NEXN: variants seen among roughly 807,000 people sequenced by gnomAD.
NEXN encodes nexilin.
NEXN carries 65 observed loss-of-function variants against 92.6 expected under a neutral mutation model. The observed-to-expected ratio is 0.70, with a 90% confidence interval of 0.57 to 0.86. The LOEUF (loss-of-function observed/expected upper bound fraction) is 0.86. NEXN is among the 40% of genes least tolerant of loss of function. NEXN has a pLI of 0.00. For synonymous variants in NEXN, 254 were observed against 242.5 expected, an observed-to-expected ratio of 1.05 and a Z score of -0.44; for missense variants, 778 against 771.1, an observed-to-expected ratio of 1.01 and a Z score of -0.11.
chr1:77,926,269 A>G (rs1395707661), intron 6 of NEXN, 145 bp from the exon 7 acceptor site: 2 of 580,832 alleles, frequency 3.4e-6, no homozygotes, highest in Non-Finnish European at 6.1e-6. Context: ...AGAGTAGGAG[A>G]TATTTAATAA....
chr1:77,938,100 T>C (rs1025523793), intron 11 of NEXN, among the ~76,000 whole-genome samples: 4 of 152,026 alleles, frequency 2.6e-5, no homozygotes, highest in African/African-American at 4.8e-5. Flanking sequence ...AGACTAGAGT[T>C]TGGAAGGAAA....
In NEXN at chr1:77,943,224, T is replaced by TA; in HGVS notation, c.*401dup. ...CATAGACGTTTACAGCAACTATGTT[T>TA]AAAAAACAAAAACAAAAAAAAAACA... is the stretch of plus-strand genomic sequence containing the variant. On this transcript the variant is annotated 3_prime_UTR_variant, in exon 13 of 13. Transcript: ENST00000334785. 1 of 206,922 alleles carries TA rather than the reference T, an allele frequency of 4.8e-6. No individual in the cohort carries two copies. 12.8% of individuals were successfully genotyped at this position (206,922 alleles called of 1,614,324 possible).
intron 1 of NEXN, among the ~76,000 whole-genome samples, chr1:77,892,185 G>A (rs1647125260): frequency 6.6e-6 from 1 of 152,060 alleles, no homozygotes; most frequent in Non-Finnish European, 1.5e-5. Flanking sequence ...GAAAATCTGG[G>A]CAAAATCTGG....
chr1:77,927,599 T>TGA (rs1553238835), intron 8 of NEXN, among the ~76,000 whole-genome samples: 54 of 32,450 alleles, frequency 1.7e-3, no homozygotes, highest in African/African-American at 5.0e-3. Context: ...TGTGTGTGTG[T>TGA]GTCTGTGTGT....
chr1:77,903,061 G>A (rs1354819742), intron 1 of NEXN, among the ~76,000 whole-genome samples: 2 of 152,092 alleles, frequency 1.3e-5, no homozygotes, highest in Admixed American at 1.3e-4. Flanking sequence ...GCCCAGGTGA[G>A]AATTTTAGTT....
rs1649089329 is a variant in NEXN at position 77,917,735 on chromosome 1, A to C, written c.197A>C (p.Glu66Ala). The stretch of plus-strand genomic sequence containing the variant: ...AAAGAACAATATATTAGAGAGAGAG[A>C]ATGGAACAGGAGAAAGCAGGAGGTT... ...RRKEQYIRER[E>A]WNRRKQEIKE... Residue 66 changes from glutamate to alanine, a missense_variant, in exon 3 of 13, where the codon GAA becomes GCA. Physicochemically the swap from Glu to Ala is moderately radical, Grantham distance 107. Coordinates refer to ENST00000334785, the MANE Select transcript of NEXN (RefSeq NM_144573.4). The C allele has an allele frequency of 6.2e-7, 1 of 1,606,910 alleles. No homozygotes were observed. Among genetic ancestry groups the C allele is most frequent in the African/African-American group, 1.3e-5 (1 of 74,882 alleles).
In NEXN at chr1:77,920,093, G is replaced by A. The variant is rs530647724; in HGVS notation, c.447+1820G>A. 4.6e-5 allele frequency among the ~76,000 whole-genome samples: 7 copies of A among 152,006 alleles called. No individual in the cohort carries two copies. The South Asian group carries it at 1.0e-3, about 23-fold the overall frequency. On this transcript the variant is annotated intron_variant, in intron 5 of 12. Transcript: ENST00000334785. The stretch of plus-strand genomic sequence containing the variant: ...TTTTTGTATTTTTAGTAGAGATAGG[G>A]TTTCACCATGTTGGCCAGGCTGGTC...
At chr1:77,931,231 C>CAAAAAAAAAA (rs367898061) in intron 9 of NEXN, among the ~76,000 whole-genome samples, 41 of 120,552 alleles carry the variant, frequency 3.4e-4, no homozygotes, top group South Asian at 8.1e-4. Flanking sequence ...ACTAAAAATA[C>CAAAAAAAAAA]AAAAAAAAAA....
At chr1:77,938,192 T>C (rs907583219) in intron 11 of NEXN, among the ~76,000 whole-genome samples, 20 of 152,200 alleles carry the variant, frequency 1.3e-4, no homozygotes, top group African/African-American at 4.8e-4. Flanking sequence ...TAAGCTTGTG[T>C]GACATACAAG....
rs915475936 is a variant in NEXN, at chr1:77,935,807, T to C, written c.1252-16T>C. On this transcript the variant is annotated splice_polypyrimidine_tract_variant and intron_variant, in intron 10 of 12. Transcript: ENST00000334785. ...CTCAAAAACAGCAGCAACAAACTTA[T>C]TAATTTTTTTTGAAGGAAGAGGAAG... 25 of 1,603,866 alleles carry C rather than the reference T, an allele frequency of 1.6e-5. No homozygotes were observed. The highest frequency in any genetic ancestry group is 5.4e-5 in the African/African-American group (4 of 74,720).
chr1:77,890,379 A>G (rs928438718), intron 1 of NEXN, among the ~76,000 whole-genome samples: 14 of 152,338 alleles, frequency 9.2e-5, no homozygotes, highest in African/African-American at 3.4e-4. Flanking sequence ...TTCATATTTT[A>G]AAATCCATTT....
intron 1 of NEXN, 182 bp downstream of exon 1, chr1:77,888,941 C>T (rs879385859): frequency 4.7e-4 from 72 of 152,664 alleles, no homozygotes; most frequent in Admixed American, 9.8e-4. Flanking sequence ...CGCGCTGGCC[C>T]CGGCCCGGGC....
intron 2 of NEXN, among the ~76,000 whole-genome samples, chr1:77,916,498 T>A (rs906059517): frequency 3.3e-5 from 5 of 152,148 alleles, no homozygotes; most frequent in African/African-American, 1.2e-4. Flanking sequence ...CATAATTCCC[T>A]CTTAGGTAAG....
chr1:77,931,375 T>G (rs1312034505), intron 9 of NEXN, among the ~76,000 whole-genome samples: 2 of 121,176 alleles, frequency 1.7e-5, no homozygotes, highest in Non-Finnish European at 3.2e-5. Flanking sequence ...ATCTCGCCAC[T>G]GCACTCCAGC....
At chr1:77,894,464 A>AG (rs1347826534) in intron 1 of NEXN, among the ~76,000 whole-genome samples, 3 of 152,048 alleles carry the variant, frequency 2.0e-5, no homozygotes, top group Non-Finnish European at 1.5e-5. Context: ...TTTTGGAGAC[A>AG]GGGTCTCGAT....
At chr1:77,892,978 T>TA (rs1047190966) in intron 1 of NEXN, among the ~76,000 whole-genome samples, 38 of 151,962 alleles carry the variant, frequency 2.5e-4, no homozygotes, top group African/African-American at 8.2e-4. Context: ...GTGATCCTCC[T>TA]ACCTCAGCCT....
intron 1 of NEXN, among the ~76,000 whole-genome samples, chr1:77,894,108 G>A (rs912492196): frequency 2.0e-5 from 3 of 152,048 alleles, no homozygotes; most frequent in Admixed American, 1.3e-4. Flanking sequence ...ACAAGCATGC[G>A]CCACCGCACC....
chr1:77,933,891 T>A (rs1650515069), intron 10 of NEXN, among the ~76,000 whole-genome samples: 1 of 152,146 alleles, frequency 6.6e-6, no homozygotes. Context: ...AAATCCTTTT[T>A]GTGGTGTGAA....
chr1:77,889,599 T>C (rs1647060173), intron 1 of NEXN: 1 of 152,244 alleles, frequency 6.6e-6, no homozygotes, highest in African/African-American at 2.4e-5. Flanking sequence ...TGAGAGGTTA[T>C]AGTTGGTTAC....
Sources: allele counts gnomAD v4.1 joint callset (sites outside exome capture counted in the v4.1 genomes callset), GRCh38; gene constraint gnomAD v4.1.1; transcripts MANE v1.5; gene names NCBI Gene and HGNC (gene_info 2026-07-23, HGNC 2026-07-21).